The following LAMA3 variants were observed in gnomAD, a reference collection of about 807,000 sequenced individuals.
The protein encoded by LAMA3 is laminin subunit alpha 3.
In LAMA3, 281 loss-of-function variants were observed where a neutral mutation model predicts 402.0. The observed-to-expected ratio is 0.70, with a 90% CI of 0.63 to 0.77. The LOEUF (loss-of-function observed/expected upper bound fraction) is 0.77. Ranked by LOEUF, LAMA3 falls within the 30% of genes least tolerant of loss-of-function variation. The pLI, the probability that LAMA3 is intolerant of heterozygous loss-of-function variation, is 0.00. For missense variants in LAMA3, 3,840 were observed against 4,215.5 expected (o/e 0.91, Z 2.47); for synonymous variants, 1,431 against 1,558.4 (o/e 0.92, Z 1.93).
rs1010384228 is a variant in LAMA3 at position 23,834,195 on chromosome 18, T to G, written c.2984+207T>G. Reference sequence around the variant, plus strand: ...ATGGGCAGTGTAAAAATGTGGCATTTTCTTAAAAAGCTGTATGCTGTACTT... The same window carrying G: ...ATGGGCAGTGTAAAAATGTGGCATTGTCTTAAAAAGCTGTATGCTGTACTT... On this transcript the variant is annotated intron_variant, in intron 24 of 74. Coordinates refer to ENST00000313654, the MANE Select transcript of LAMA3 (RefSeq NM_198129.4). 2.0e-5 allele frequency: 12 copies of G among 602,898 alleles called. No homozygotes were observed. The East Asian group carries it at 3.6e-4, about 18-fold the overall frequency. 37.3% of individuals were successfully genotyped at this position (602,898 alleles called of 1,614,324 possible).
intron 42 of LAMA3, 30 bp downstream of exon 42, chr18:23,890,147 G>A: frequency 2.1e-6 from 3 of 1,422,106 alleles, no homozygotes; most frequent in Non-Finnish European, 3.0e-6. Context: ...CTGCTAACTT[G>A]CATTTATAAA....
intron 33 of LAMA3, 142 bp downstream of exon 33, chr18:23,858,130 G>A (rs943330546): frequency 3.6e-5 from 38 of 1,057,474 alleles, no homozygotes; most frequent in South Asian, 6.7e-5. Context: ...TTATAGTCAC[G>A]ATCTCATTTT....
At chr18:23,732,541 C>G (rs187120593) in intron 2 of LAMA3, among the ~76,000 whole-genome samples, 2 of 152,104 alleles carry the variant, frequency 1.3e-5, no homozygotes, top group Non-Finnish European at 2.9e-5. Context: ...AGCAATCCCT[C>G]GCGGAACCAC....
chr18:23,719,505 A>C (rs2061171873), intron 2 of LAMA3, among the ~76,000 whole-genome samples: 1 of 152,208 alleles, frequency 6.6e-6, no homozygotes. Flanking sequence ...TGCATTATAA[A>C]TTTTAAGGAA....
chr18:23,710,082 T>A (rs1477891182), intron 1 of LAMA3: 1 of 744,936 alleles, frequency 1.3e-6, no homozygotes, highest in Non-Finnish European at 2.4e-6. Context: ...GTGGTCAAGC[T>A]TGTTCTCCTG....
rs1320718557 is a variant in LAMA3, at chr18:23,879,142, T to C, written c.5112+2735T>C. Among the ~76,000 whole-genome samples, 2 of 152,196 alleles carry C rather than the reference T, an allele frequency of 1.3e-5. No individual in the cohort carries two copies. The highest frequency in any genetic ancestry group is 2.4e-5 in the African/African-American group (1 of 41,444). ...TCCCCTCTGCAGTTGCAATGGAATT[T>C]CCAAATGATTTATCTGAAATTCACA... On this transcript the variant is annotated intron_variant, in intron 39 of 74. Transcript: ENST00000313654. The surrounding 1 kb of genome is among the most constrained non-coding windows in gnomAD (Gnocchi z 4.2).
intron 70 of LAMA3, chr18:23,946,632 A>G (rs1364816634): frequency 4.3e-6 from 1 of 231,336 alleles, no homozygotes; most frequent in Non-Finnish European, 8.6e-6. Flanking sequence ...GTTTCAAATT[A>G]CAGTAATTTG....
chr18:23,747,169 G>A (rs543614011), intron 2 of LAMA3, among the ~76,000 whole-genome samples: 12 of 152,192 alleles, frequency 7.9e-5, no homozygotes, highest in Admixed American at 6.5e-5. Flanking sequence ...GTTCAATGTC[G>A]TACCAGGCTC....
chr18:23,771,247 A>G (rs1368481157), intron 8 of LAMA3, among the ~76,000 whole-genome samples: 1 of 152,240 alleles, frequency 6.6e-6, no homozygotes, highest in Admixed American at 6.5e-5. Flanking sequence ...CTACTGATGG[A>G]TGCAGCGACA....
At chr18:23,953,798 G>A (rs2083014532) in intron 74 of LAMA3, among the ~76,000 whole-genome samples, 1 of 152,216 alleles carries the variant, frequency 6.6e-6, no homozygotes, top group Non-Finnish European at 1.5e-5. Context: ...GGACCGGACT[G>A]GGAGAATCAG....
intron 24 of LAMA3, among the ~76,000 whole-genome samples, 185 bp from the exon 25 acceptor site, chr18:23,836,796 A>T (rs1598889139): frequency 6.6e-6 from 1 of 152,226 alleles, no homozygotes; most frequent in Admixed American, 6.5e-5. Flanking sequence ...CCACGGCAGG[A>T]AGGTTATTTT....
intron 35 of LAMA3, among the ~76,000 whole-genome samples, chr18:23,864,391 T>G (rs941337605): frequency 1.3e-5 from 2 of 152,090 alleles, no homozygotes; most frequent in African/African-American, 4.8e-5. Context: ...CACACCTGAC[T>G]AATTTTTAAA....
At chr18:23,824,113 ATACT>A (rs927948195) in intron 20 of LAMA3, among the ~76,000 whole-genome samples, 2 of 152,208 alleles carry the variant, frequency 1.3e-5, no homozygotes, top group African/African-American at 4.8e-5. Context: ...AATATATTGA[ATACT>A]TACTATATGC....
intron 1 of LAMA3, among the ~76,000 whole-genome samples, chr18:23,692,231 A>T (rs986352370): frequency 5.9e-5 from 9 of 152,198 alleles, no homozygotes; most frequent in African/African-American, 9.7e-5. Flanking sequence ...TCCAAGTTGT[A>T]TTCAGCATTC....
chr18:23,737,289 C>T (rs571781914), intron 2 of LAMA3, among the ~76,000 whole-genome samples: 4 of 152,290 alleles, frequency 2.6e-5, no homozygotes, highest in South Asian at 4.1e-4. Context: ...AGGGACATTC[C>T]AATCAAGTCA....
chr18:23,816,287 T>C (rs2063174020), intron 17 of LAMA3, 101 bp from the exon 18 acceptor site: 1 of 843,116 alleles, frequency 1.2e-6, no homozygotes. Flanking sequence ...AGGCAGGCAC[T>C]GTGTCACTGG....
At chr18:23,704,589 C>A (rs984210891) in intron 1 of LAMA3, among the ~76,000 whole-genome samples, 4 of 152,226 alleles carry the variant, frequency 2.6e-5, no homozygotes, top group African/African-American at 9.6e-5. Context: ...GCCCCAGCAT[C>A]TTTTGGTAAT....
chr18:23,955,036 T>C lies in LAMA3; in HGVS notation c.*388T>C. 1 of 261,130 alleles carries C rather than the reference T, an allele frequency of 3.8e-6. No homozygotes were observed. The highest frequency in any genetic ancestry group is 1.0e-4 in the East Asian group (1 of 9,616). 16.2% of individuals were successfully genotyped at this position (261,130 alleles called of 1,614,324 possible). On this transcript the variant is annotated 3_prime_UTR_variant, in exon 75 of 75. Coordinates refer to ENST00000313654, the MANE Select transcript of LAMA3 (RefSeq NM_198129.4). ...ATATATGTTAAAGGATTATAATTTA[T>C]GGAATTAAAAAATGCAGTGTAGTCC...
At chr18:23,785,562 G>A (rs2062527519) in intron 12 of LAMA3, among the ~76,000 whole-genome samples, 1 of 152,150 alleles carries the variant, frequency 6.6e-6, no homozygotes, top group African/African-American at 2.4e-5. Context: ...GGAAGTAATT[G>A]TTCATAAGTT....
Sources: allele counts gnomAD v4.1 joint callset (sites outside exome capture counted in the v4.1 genomes callset), GRCh38; gene constraint gnomAD v4.1.1; non-coding constraint Gnocchi (gnomAD v3.1); transcripts MANE v1.5; gene names NCBI Gene and HGNC (gene_info 2026-07-23, HGNC 2026-07-21).